MLLT3: variants seen among roughly 807,000 people sequenced by gnomAD.
MLLT3 encodes the protein MLLT3 super elongation complex subunit.
Under a neutral mutation model 53.2 loss-of-function variants are expected in MLLT3, and 4 were observed. The ratio of observed to expected loss-of-function variants is 0.08; its 90% confidence interval spans 0.04 to 0.17. MLLT3 has a LOEUF of 0.17. Ranked by LOEUF, MLLT3 falls within the 10% of genes least tolerant of loss-of-function variation. MLLT3 has a pLI of 1.00. For synonymous variants in MLLT3, 283 were observed against 230.6 expected (o/e 1.23, Z -2.06); for missense variants, 569 against 684.0 (o/e 0.83, Z 1.87).
intron 2 of MLLT3, among the ~76,000 whole-genome samples, chr9:20,566,868 C>G (rs765010754): frequency 6.6e-6 from 1 of 152,054 alleles, no homozygotes; most frequent in African/African-American, 2.4e-5. Flanking sequence ...TTAGCCAGCA[C>G]AAGGATACGG....
chr9:20,519,910 C>T (rs1424920663), intron 2 of MLLT3, among the ~76,000 whole-genome samples: 1 of 152,160 alleles, frequency 6.6e-6, no homozygotes, highest in Non-Finnish European at 1.5e-5. Flanking sequence ...ATGTTCACTG[C>T]AGCACTATTC....
At chr9:20,479,566 T>G (rs562404703) in intron 2 of MLLT3, among the ~76,000 whole-genome samples, 1 of 152,140 alleles carries the variant, frequency 6.6e-6, no homozygotes, top group African/African-American at 2.4e-5. Flanking sequence ...CCTAGAGAAG[T>G]TGGGTACTAT....
At chr9:20,444,203 A>T (rs77414211) in intron 4 of MLLT3, among the ~76,000 whole-genome samples, 1,912 of 152,298 alleles carry the variant, frequency 0.013, 48 homozygotes, top group African/African-American at 0.043. Flanking sequence ...CGTGATCATA[A>T]GCCTTTTAAT....
chr9:20,494,088 C>G (rs559175345), intron 2 of MLLT3, among the ~76,000 whole-genome samples: 14 of 152,120 alleles, frequency 9.2e-5, no homozygotes, highest in African/African-American at 3.4e-4. Flanking sequence ...ATTTATTATC[C>G]TGGATAACAA....
At chr9:20,461,233 A>T (rs1209821813) in intron 2 of MLLT3, among the ~76,000 whole-genome samples, 1 of 152,202 alleles carries the variant, frequency 6.6e-6, no homozygotes, top group East Asian at 1.9e-4. Context: ...TTTTCCCTGA[A>T]ATGTCTTTTC....
At chr9:20,541,347 A>G (rs1818625104) in intron 2 of MLLT3, among the ~76,000 whole-genome samples, 1 of 152,170 alleles carries the variant, frequency 6.6e-6, no homozygotes, top group Admixed American at 6.5e-5. Flanking sequence ...CCACACTACC[A>G]GTACCAATTT....
chr9:20,593,118 T>C (rs956758215), intron 2 of MLLT3, among the ~76,000 whole-genome samples: 33 of 152,184 alleles, frequency 2.2e-4, no homozygotes, highest in Non-Finnish European at 1.5e-4. Flanking sequence ...TCTTCTGAGA[T>C]AGCATGACTC....
At chr9:20,550,915 G>A (rs1443267618) in intron 2 of MLLT3, among the ~76,000 whole-genome samples, 1 of 151,962 alleles carries the variant, frequency 6.6e-6, no homozygotes, top group Non-Finnish European at 1.5e-5. Flanking sequence ...GTGCCATCAT[G>A]CCCAGCTAAA....
intron 2 of MLLT3, among the ~76,000 whole-genome samples, chr9:20,596,771 T>C (rs1361820135): frequency 6.6e-6 from 1 of 152,178 alleles, no homozygotes; most frequent in Non-Finnish European, 1.5e-5. Context: ...AAAATATTAT[T>C]ATGGGTCCCT....
At chr9:20,352,688 G>C (rs1821058022) in intron 10 of MLLT3, among the ~76,000 whole-genome samples, 1 of 145,338 alleles carries the variant, frequency 6.9e-6, no homozygotes, top group Non-Finnish European at 1.5e-5. Context: ...GAATATAAAT[G>C]TGACCACCAG....
chr9:20,581,357 T>A (rs967052941), intron 2 of MLLT3, among the ~76,000 whole-genome samples: 1 of 152,192 alleles, frequency 6.6e-6, no homozygotes, highest in African/African-American at 2.4e-5. Flanking sequence ...CTTTAGAAAT[T>A]TAATTTACAT....
At chr9:20,615,359 TG>T (rs1820803444) in intron 2 of MLLT3, among the ~76,000 whole-genome samples, 3 of 37,520 alleles carry the variant, frequency 8.0e-5, no homozygotes, top group Admixed American at 5.8e-4. Flanking sequence ...CCAGACCATG[TG>T]AAAAAAAAAA....
intron 2 of MLLT3, among the ~76,000 whole-genome samples, chr9:20,618,167 C>G (rs1820884985): frequency 6.6e-6 from 1 of 152,174 alleles, no homozygotes; most frequent in Non-Finnish European, 1.5e-5. Flanking sequence ...ACTCAGATTT[C>G]TCACAAATTC....
At chr9:20,449,578 GA>G (rs1248571896) in intron 3 of MLLT3, among the ~76,000 whole-genome samples, 1 of 152,138 alleles carries the variant, frequency 6.6e-6, no homozygotes, top group African/African-American at 2.4e-5. Context: ...ACTAATAAAT[GA>G]TGAAACAAAA....
At chr9:20,618,243 T>A (rs373965858) in intron 2 of MLLT3, among the ~76,000 whole-genome samples, 1 of 152,222 alleles carries the variant, frequency 6.6e-6, no homozygotes, top group African/African-American at 2.4e-5. Flanking sequence ...ATCTACAATA[T>A]AGCTAACATA....
At chr9:20,549,457 C>T (rs961330659) in intron 2 of MLLT3, among the ~76,000 whole-genome samples, 3 of 126,932 alleles carry the variant, frequency 2.4e-5, no homozygotes, top group Admixed American at 1.7e-4. Flanking sequence ...CACATATATG[C>T]CATTTACTCC....
intron 2 of MLLT3, among the ~76,000 whole-genome samples, chr9:20,518,763 G>A (rs749057720): frequency 2.0e-5 from 3 of 152,078 alleles, no homozygotes; most frequent in Admixed American, 6.6e-5. Context: ...GTCTAATCAC[G>A]AGAAAACATC....
In MLLT3 at chr9:20,343,483, A is replaced by C. The variant is rs570954148; in HGVS notation, c.*2960T>G. ...GAGGATGGTGAAGTAACTGCAAAATATTGTTGCTAACATGACTGTTACATC... is the reference window on the plus strand; with the variant it reads ...GAGGATGGTGAAGTAACTGCAAAATCTTGTTGCTAACATGACTGTTACATC... On this transcript the variant is annotated 3_prime_UTR_variant, in exon 11 of 11. Coordinates refer to ENST00000380338, the MANE Select transcript of MLLT3 (RefSeq NM_004529.4). The C allele has an allele frequency of 2.1e-4, 47 of 226,108 alleles. No homozygotes were observed. The highest frequency in any genetic ancestry group is 1.0e-3 in the African/African-American group (47 of 45,002). The allele number at this position is 226,108 out of a possible 1,614,324, so 14.0% of individuals were successfully genotyped here. A position where few individuals can be genotyped will look rare whatever the true frequency, so the allele number is the denominator to read the frequency against.
intron 2 of MLLT3, among the ~76,000 whole-genome samples, chr9:20,479,285 A>C (rs1439172084): frequency 1.3e-5 from 2 of 152,056 alleles, no homozygotes; most frequent in African/African-American, 4.8e-5. Flanking sequence ...GTGTACTTGT[A>C]CCCCAAGGCA....
Sources: gnomAD v4.1 joint callset for allele counts (sites outside exome capture counted in the v4.1 genomes callset) on GRCh38, gnomAD v4.1.1 for gene constraint, MANE v1.5 for transcripts, NCBI Gene and HGNC (gene_info 2026-07-23, HGNC 2026-07-21) for gene names.